The following PLEKHM2 variants were observed in gnomAD, a reference collection of about 807,000 sequenced individuals.
PLEKHM2 encodes pleckstrin homology domain-containing family M member 2.
PLEKHM2 carries 77 observed loss-of-function variants against 116.3 expected under a neutral mutation model. The observed-to-expected ratio is 0.66, with a 90% CI of 0.55 to 0.80. PLEKHM2 has a LOEUF of 0.80. PLEKHM2 is among the 30% of genes least tolerant of loss of function. The pLI is 0.00. For synonymous variants in PLEKHM2, 562 were observed against 571.0 expected (o/e 0.98, Z 0.22); for missense variants, 1,183 against 1,354.9 (o/e 0.87, Z 1.99).
intron 7 of PLEKHM2, among the ~76,000 whole-genome samples, chr1:15,724,244 G>A (rs926434866): frequency 6.6e-6 from 1 of 152,230 alleles, no homozygotes; most frequent in Non-Finnish European, 1.5e-5. Context: ...CAGCATTTTG[G>A]GAGGCCGAGG....
intron 1 of PLEKHM2, among the ~76,000 whole-genome samples, chr1:15,703,688 C>T (rs956211013): frequency 1.3e-5 from 2 of 152,132 alleles, no homozygotes; most frequent in South Asian, 2.1e-4. Flanking sequence ...CAGAGAAGGC[C>T]GGGCTGTGGC....
intron 1 of PLEKHM2, among the ~76,000 whole-genome samples, chr1:15,702,892 A>T (rs1641144891): frequency 7.3e-6 from 1 of 136,682 alleles, no homozygotes; most frequent in African/African-American, 2.6e-5. Flanking sequence ...AGCTAACTTT[A>T]AAAAAAAAAA....
chr1:15,709,590 C>T (rs1035786435), intron 1 of PLEKHM2, among the ~76,000 whole-genome samples: 20 of 152,126 alleles, frequency 1.3e-4, no homozygotes, highest in African/African-American at 4.6e-4. Flanking sequence ...AGTAATTTGC[C>T]AAAGGTGCCC....
At chr1:15,722,039 C>G (rs899097160) in intron 7 of PLEKHM2, among the ~76,000 whole-genome samples, 1 of 152,246 alleles carries the variant, frequency 6.6e-6, no homozygotes, top group Admixed American at 6.5e-5. Context: ...AAAGCTATTC[C>G]CAGGTTGCCA....
In PLEKHM2 at chr1:15,725,719, T is replaced by C. The variant is rs1377901216; in HGVS notation, c.941+174T>C. The C allele has an allele frequency of 6.7e-6, 4 of 596,770 alleles. No homozygotes were observed. The East Asian group carries it at 8.3e-5, about 12-fold the overall frequency. The allele number at this position is 596,770 out of a possible 1,614,324, so 37.0% of individuals were successfully genotyped here. A position where few individuals can be genotyped will look rare whatever the true frequency, so the allele number is the denominator to read the frequency against. On this transcript the variant is annotated intron_variant, in intron 8 of 19. Transcript: ENST00000375799. ...CTTTGAGCAAGAGGAAGTGGAGGCC[T>C]GTCCTAGTCAGCTCGGCTGCTGGAA...
chr1:15,689,245 C>CAAAAA (rs34554449), intron 1 of PLEKHM2, among the ~76,000 whole-genome samples: 5 of 95,520 alleles, frequency 5.2e-5, no homozygotes, highest in Admixed American at 1.2e-4. Context: ...AACTCCGTCT[C>CAAAAA]AAAAAAAAAA....
chr1:15,732,427 C>A lies in PLEKHM2; in HGVS notation c.2703C>A (p.Cys901Ter). 1 of 1,585,030 alleles carries A rather than the reference C, an allele frequency of 6.3e-7. No homozygotes were observed. The highest frequency in any genetic ancestry group is 8.6e-7 in the Non-Finnish European group (1 of 1,165,970). ...TCACGGATGACCGCCTCTTTACGTGCCATGAGGATTGCCAGACCAGCTTCT... is the reference window on the plus strand; with the variant it reads ...TCACGGATGACCGCCTCTTTACGTGACATGAGGATTGCCAGACCAGCTTCT... The part of the protein sequence containing the change: ...LVLTDDRLFT[C>*]HEDCQTSFFR... The change falls in exon 18 of 20, where the codon TGC becomes TGA. Residue 901 changes from cysteine to a stop codon, truncating the protein, a stop_gained. Transcript: ENST00000375799. LOFTEE classifies it high-confidence loss of function.
chr1:15,696,614 G>T (rs1430955196), intron 1 of PLEKHM2, among the ~76,000 whole-genome samples: 13 of 152,386 alleles, frequency 8.5e-5, no homozygotes, highest in Admixed American at 7.8e-4. Flanking sequence ...GCCTCCCAAA[G>T]TGTTGGGATT....
chr1:15,732,414 G>C lies in PLEKHM2; in HGVS notation c.2690G>C (p.Arg897Pro). 4 of 1,575,254 alleles carry C rather than the reference G, an allele frequency of 2.5e-6. No homozygotes were observed. The highest frequency in any genetic ancestry group is 3.4e-6 in the Non-Finnish European group (4 of 1,160,578). The stretch of plus-strand genomic sequence containing the variant: ...TGCTGCCTGGTCCTCACGGATGACC[G>C]CCTCTTTACGTGCCATGAGGATTGC... ...IPCCLVLTDD[R>P]LFTCHEDCQT... is the part of the protein sequence containing the mutation. The change falls in exon 18 of 20, where the codon CGC becomes CCC. Residue 897 changes from arginine to proline, a missense_variant. Coordinates refer to ENST00000375799, the MANE Select transcript of PLEKHM2 (RefSeq NM_015164.4).
At chr1:15,700,840 G>A (rs1037370347) in intron 1 of PLEKHM2, among the ~76,000 whole-genome samples, 4 of 152,114 alleles carry the variant, frequency 2.6e-5, no homozygotes, top group East Asian at 1.9e-4. Flanking sequence ...TTAGCTGGGC[G>A]CGGTGGCTCA....
In PLEKHM2 at chr1:15,719,778, C is replaced by T; in HGVS notation, c.510C>T (p.Tyr170=). ...TGGCCCCCTACATGCCCGACTACTA[C>T]AAACCTCAGTACCTGCTGGACTTTG... ...LDLAPYMPDY[Y]KPQYLLDFED... The change falls in exon 6 of 20, where the codon TAC becomes TAT. Residue 170 remains tyrosine, a synonymous_variant. Coordinates refer to ENST00000375799, the MANE Select transcript of PLEKHM2 (RefSeq NM_015164.4). The surrounding 1 kb of genome is among the most constrained non-coding windows in gnomAD (Gnocchi z 4.1). 1.9e-6 allele frequency: 3 copies of T among 1,613,692 alleles called. No individual in the cohort carries two copies. Among genetic ancestry groups the T allele is most frequent in the Non-Finnish European group, 1.7e-6 (2 of 1,179,712 alleles).
At chr1:15,733,687 C>A in intron 19 of PLEKHM2, 110 bp from the exon 20 acceptor site, 1 of 1,165,578 alleles carries the variant, frequency 8.6e-7, no homozygotes, top group Non-Finnish European at 1.2e-6. Flanking sequence ...ATGGGGAGGG[C>A]CTGACAGGGG....
intron 16 of PLEKHM2, 35 bp from the exon 17 acceptor site, chr1:15,731,854 C>G (rs768668214): frequency 5.7e-6 from 9 of 1,588,258 alleles, no homozygotes; most frequent in Middle Eastern, 1.8e-4. Context: ...GCCCTTGCCT[C>G]CTCGCTCCCG....
At chr1:15,681,589 G>C (rs1319984500), upstream of PLEKHM2, 1 of 476,878 alleles carries the variant, frequency 2.1e-6, no homozygotes, top group Admixed American at 2.2e-5. Context: ...AGTTTTGGGG[G>C]ACTGCATTTT....
intron 1 of PLEKHM2, among the ~76,000 whole-genome samples, chr1:15,713,001 ATG>A (rs879843138): frequency 2.6e-5 from 4 of 152,158 alleles, no homozygotes; most frequent in Non-Finnish European, 4.4e-5. Flanking sequence ...GGGTTTCACC[ATG>A]TTAGCCAGGC....
At chr1:15,722,301 G>A (rs976310241) in intron 7 of PLEKHM2, among the ~76,000 whole-genome samples, 2 of 152,084 alleles carry the variant, frequency 1.3e-5, no homozygotes, top group African/African-American at 4.8e-5. Context: ...GTGCCACCAC[G>A]CCCGGCTAAT....
Position 15,703,881 on chromosome 1 carries a change from T to G in PLEKHM2, c.61-12356T>G, listed in dbSNP as rs150994731. Among the ~76,000 whole-genome samples, 767 of 152,244 alleles carry G rather than the reference T, an allele frequency of 5.0e-3. 3 individuals carry two copies. Among genetic ancestry groups the G allele is most frequent in the African/African-American group, 0.018 (732 of 41,554 alleles). On this transcript the variant is annotated intron_variant, in intron 1 of 19. Transcript: ENST00000375799. Reference sequence around the variant, plus strand: ...AGTCTGGGATGAGCTGAGCTAGCTTTTCCCGGCCCTGGTGCCTGAGCACAA... The same window carrying G: ...AGTCTGGGATGAGCTGAGCTAGCTTGTCCCGGCCCTGGTGCCTGAGCACAA...
intron 1 of PLEKHM2, among the ~76,000 whole-genome samples, chr1:15,700,466 C>T (rs1038862355): frequency 6.6e-6 from 1 of 152,168 alleles, no homozygotes; most frequent in African/African-American, 2.4e-5. Context: ...GTGCCCCTGT[C>T]TCCCTGGGCT....
At chr1:15,723,114 G>A (rs900957633) in intron 7 of PLEKHM2, 1 of 152,108 alleles carries the variant, frequency 6.6e-6, no homozygotes, top group African/African-American at 2.4e-5. Flanking sequence ...TGAGCCTGGG[G>A]TGGCCTTCCC....
Sources: allele counts gnomAD v4.1 joint callset (sites outside exome capture counted in the v4.1 genomes callset), GRCh38; gene constraint gnomAD v4.1.1; non-coding constraint Gnocchi (gnomAD v3.1); transcripts MANE v1.5; gene names NCBI Gene and HGNC (gene_info 2026-07-23, HGNC 2026-07-21).